Variants in RIMKLB observed in about 807,000 individuals in gnomAD.
RIMKLB encodes ribosomal modification protein rimK like family member B.
Under a neutral mutation model 32.0 loss-of-function variants are expected in RIMKLB, and 7 were observed. The ratio of observed to expected loss-of-function variants is 0.22; its 90% confidence interval spans 0.12 to 0.41. The LOEUF (loss-of-function observed/expected upper bound fraction) is 0.41. RIMKLB is among the 10% of genes least tolerant of loss of function. The pLI is 1.00. For missense variants in RIMKLB, 289 were observed against 498.7 expected (o/e 0.58, Z 4.00); for synonymous variants, 172 against 185.1 (o/e 0.93, Z 0.57).
intron 1 of RIMKLB, among the ~76,000 whole-genome samples, chr12:8,710,404 T>G (rs1006609833): frequency 2.0e-5 from 3 of 150,212 alleles, no homozygotes; most frequent in Non-Finnish European, 4.4e-5. Flanking sequence ...GCCTCCTGGG[T>G]TCAAGCGATT....
intron 2 of RIMKLB, among the ~76,000 whole-genome samples, chr12:8,733,957 A>G (rs911864252): frequency 2.2e-4 from 33 of 152,186 alleles, no homozygotes; most frequent in African/African-American, 8.0e-4. Context: ...TGTCTACTAT[A>G]TATTGACACT....
At chr12:8,747,642 A>G (rs1565609796) in intron 2 of RIMKLB, among the ~76,000 whole-genome samples, 1 of 152,240 alleles carries the variant, frequency 6.6e-6, no homozygotes, top group Non-Finnish European at 1.5e-5. Context: ...ATGAATATCA[A>G]TTATTAGTAA....
chr12:8,707,775 A>G (rs893295805), intron 1 of RIMKLB, among the ~76,000 whole-genome samples: 1 of 152,248 alleles, frequency 6.6e-6, no homozygotes, highest in Admixed American at 6.5e-5. Flanking sequence ...TAGGAGTTGT[A>G]TGCCAGGAAA....
chr12:8,726,695 T>C (rs909458073), intron 2 of RIMKLB, among the ~76,000 whole-genome samples: 1 of 152,104 alleles, frequency 6.6e-6, no homozygotes, highest in African/African-American at 2.4e-5. Context: ...AAAATGTATG[T>C]TTGTCTATAT....
chr12:8,681,822 A>G (rs1206139096), intron 1 of RIMKLB: 2 of 152,164 alleles, frequency 1.3e-5, no homozygotes, highest in East Asian at 3.9e-4. Context: ...TCAACTGGTA[A>G]GTAATATGTT....
intron 5 of RIMKLB, among the ~76,000 whole-genome samples, chr12:8,765,872 A>G (rs762450498): frequency 1.3e-5 from 2 of 152,140 alleles, no homozygotes; most frequent in Non-Finnish European, 2.9e-5. Flanking sequence ...AAGTTTGTAC[A>G]TATGGCACTT....
chr12:8,767,211 A>ATCTTTC (rs1373642797), intron 5 of RIMKLB, among the ~76,000 whole-genome samples: 1 of 152,144 alleles, frequency 6.6e-6, no homozygotes, highest in African/African-American at 2.4e-5. Context: ...TACTACTTCT[A>ATCTTTC]TCTTTCTCTT....
exon 8 of RIMKLB, chr12:8,782,968 A>AAGAT (rs1421963070): frequency 1.3e-5 from 2 of 152,214 alleles, no homozygotes; most frequent in Non-Finnish European, 2.9e-5. Context: ...AGAATGGATG[A>AAGAT]AGATAGATTT....
chr12:8,695,694 C>CT (rs397951288), upstream of RIMKLB, among the ~76,000 whole-genome samples: 35,929 of 132,726 alleles, frequency 0.27, 5,332 homozygotes, highest in Non-Finnish European at 0.34. Context: ...TGAATAGCAA[C>CT]TTTTTTTTTT....
chr12:8,782,815 T>TTA (rs1380305561), intron 7 of RIMKLB: 1 of 152,174 alleles, frequency 6.6e-6, no homozygotes, highest in African/African-American at 2.4e-5. Flanking sequence ...TATTGTCATG[T>TTA]TAGTTGATTT....
intron 1 of RIMKLB, among the ~76,000 whole-genome samples, chr12:8,705,908 G>T (rs765703930): frequency 6.6e-6 from 1 of 152,198 alleles, no homozygotes; most frequent in Admixed American, 6.5e-5. Context: ...TTTTTAGCAA[G>T]ACCTTCAACT....
rs1323542551 is a variant in RIMKLB at position 8,776,536 on chromosome 12, T to C, written c.*2752T>C. The C allele has an allele frequency of 1.3e-5, 10 of 762,806 alleles. No homozygotes were observed. Among genetic ancestry groups the C allele is most frequent in the Non-Finnish European group, 1.4e-5 (9 of 627,398 alleles). 47.3% of individuals were successfully genotyped at this position (762,806 alleles called of 1,614,324 possible). On this transcript the variant is annotated 3_prime_UTR_variant, in exon 6 of 6. Transcript: ENST00000535829. Reference sequence around the variant, plus strand: ...ATCTGAATTGTAAAATTTTTGTATATTGTTAAAATTGTAATTCTAAATTGT... The same window carrying C: ...ATCTGAATTGTAAAATTTTTGTATACTGTTAAAATTGTAATTCTAAATTGT...
chr12:8,707,013 G>A (rs74059966), intron 1 of RIMKLB, among the ~76,000 whole-genome samples: 10,821 of 152,176 alleles, frequency 0.071, 1,248 homozygotes, highest in African/African-American at 0.24. Context: ...AGAAAAAGAG[G>A]CTTGATAGCA....
chr12:8,679,779 AG>A (rs1389823947), upstream of RIMKLB: 2 of 152,250 alleles, frequency 1.3e-5, no homozygotes, highest in African/African-American at 4.8e-5. Flanking sequence ...AACTAGTGAA[AG>A]ATGAGGTGAG....
upstream of RIMKLB, among the ~76,000 whole-genome samples, chr12:8,694,303 C>T (rs1362234352): frequency 6.6e-6 from 1 of 151,488 alleles, no homozygotes; most frequent in Non-Finnish European, 1.5e-5. Flanking sequence ...GTCTTGGACT[C>T]GTGTATTCAA....
intron 2 of RIMKLB, among the ~76,000 whole-genome samples, chr12:8,731,312 G>A (rs1273520840): frequency 6.6e-6 from 1 of 151,802 alleles, no homozygotes; most frequent in African/African-American, 2.4e-5. Context: ...TGGCCAGGCT[G>A]GTCTCAAACT....
chr12:8,775,278 C>T lies in RIMKLB; in HGVS notation c.*1494C>T. ...TTTAGTAGTATTGAGTCTCTTATAG[C>T]CCTACTCTTAAGCCTTCAATACTGT... On this transcript the variant is annotated 3_prime_UTR_variant, in exon 6 of 6. Transcript: ENST00000535829. 1 of 985,322 alleles carries T rather than the reference C, an allele frequency of 1.0e-6. No homozygotes were observed. Among genetic ancestry groups the T allele is most frequent in the African/African-American group, 1.7e-5 (1 of 57,294 alleles). The allele number at this position is 985,322 out of a possible 1,614,324, so 61.0% of individuals were successfully genotyped here.
At position 8,686,364 on chromosome 12, in the gene RIMKLB, T is replaced by C. The variant is rs1175445091; in HGVS notation, n.219+4546T>C. Among the ~76,000 whole-genome samples the C allele has an allele frequency of 4.6e-5, 7 of 151,870 alleles. No homozygotes were observed. In the East Asian group the frequency reaches 1.4e-3, roughly 29 times the overall value. The stretch of plus-strand genomic sequence containing the variant: ...GGGTGGAGTGCAGTAGCCCGATCTC[T>C]GCAACCTTCGCCTTCCAGGCTCAAG... On this transcript the variant is annotated intron_variant and non_coding_transcript_variant, in intron 1 of 1. Transcript: ENST00000538758.
upstream of RIMKLB, among the ~76,000 whole-genome samples, chr12:8,695,879 G>C (rs1444982741): frequency 6.6e-6 from 1 of 152,050 alleles, no homozygotes. Flanking sequence ...TTTTAGTAGA[G>C]ACAAGGTTTC....
Sources: gnomAD v4.1 joint callset for allele counts (sites outside exome capture counted in the v4.1 genomes callset) on GRCh38, gnomAD v4.1.1 for gene constraint, MANE v1.5 for transcripts, NCBI Gene and HGNC (gene_info 2026-07-23, HGNC 2026-07-21) for gene names.